CEP104: variants seen among roughly 807,000 people sequenced by gnomAD.
The protein encoded by CEP104 is centrosomal protein of 104 kDa.
Under a neutral mutation model 113.3 loss-of-function variants are expected in CEP104, and 84 were observed. The observed-to-expected ratio is 0.74, with a 90% CI of 0.62 to 0.89. The LOEUF is 0.89. CEP104 is among the 40% of genes least tolerant of loss of function. The pLI is 0.00. For missense variants in CEP104, 1,053 were observed against 1,156.6 expected, an observed-to-expected ratio of 0.91 and a Z score of 1.30; for synonymous variants, 378 against 421.7, an observed-to-expected ratio of 0.90 and a Z score of 1.27.
At chr1:3,854,635 ATTTTT>A (rs34466194) in intron 1 of CEP104, among the ~76,000 whole-genome samples, 10 of 126,118 alleles carry the variant, frequency 7.9e-5, no homozygotes, top group Admixed American at 3.2e-4. Flanking sequence ...TGCCTGGCTA[ATTTTT>A]TTTTTTTTTT....
At chr1:3,853,155 C>A (rs893192619) in intron 1 of CEP104, among the ~76,000 whole-genome samples, 3 of 152,048 alleles carry the variant, frequency 2.0e-5, no homozygotes, top group Admixed American at 2.0e-4. Context: ...TTATACAATA[C>A]CAAGGGGAAA....
At chr1:3,850,312 C>T (rs1354659956) in intron 2 of CEP104, among the ~76,000 whole-genome samples, 3 of 152,198 alleles carry the variant, frequency 2.0e-5, no homozygotes, top group African/African-American at 7.2e-5. Context: ...AGAAACCACA[C>T]AGCTAAAAAG....
At chr1:3,851,531 C>T (rs1363413388) in intron 2 of CEP104, among the ~76,000 whole-genome samples, 4 of 152,074 alleles carry the variant, frequency 2.6e-5, no homozygotes, top group Admixed American at 6.6e-5. Flanking sequence ...TTTTTATTCA[C>T]ATGACTGAGG....
rs540364727 is a variant in CEP104, at chr1:3,857,078, G to C, written c.-204C>G. ...CGCTTCCTCAGACGGAACTCGGGGG[G>C]CGCCCCTTCCGCCGCCCCAGGCCGC... is the stretch of plus-strand genomic sequence containing the variant. On this transcript the variant is annotated 5_prime_UTR_variant, in exon 1 of 22. Transcript: ENST00000378230. 1.3e-5 allele frequency: 2 copies of C among 152,270 alleles called. No homozygotes were observed. Among genetic ancestry groups the C allele is most frequent in the South Asian group, 4.1e-4 (2 of 4,822 alleles). The allele number at this position is 152,270 out of a possible 1,614,324, so 9.4% of individuals were successfully genotyped here.
chr1:3,856,037 C>T (rs1644719491), intron 1 of CEP104: 1 of 745,994 alleles, frequency 1.3e-6, no homozygotes, highest in Non-Finnish European at 1.6e-6. Flanking sequence ...ATAAATTAAA[C>T]GGAAACTCAG....
chr1:3,842,140 T>C lies in CEP104; in HGVS notation c.567-2364A>G, dbSNP rs865863396. 5.9e-5 allele frequency among the ~76,000 whole-genome samples: 9 copies of C among 152,332 alleles called. No homozygotes were observed. The Middle Eastern group carries it at 0.01, about 173-fold the overall frequency. On this transcript the variant is annotated intron_variant, in intron 6 of 21. Coordinates refer to ENST00000378230, the MANE Select transcript of CEP104 (RefSeq NM_014704.4). ...CTCGCTCTTGTCGCCCAGGCTGGAG[T>C]GCAGTGGTGCGATTTTGGCTCGCTG... is the stretch of plus-strand genomic sequence containing the variant.
intron 1 of CEP104, among the ~76,000 whole-genome samples, chr1:3,855,642 T>C (rs1462424178): frequency 6.6e-6 from 1 of 152,180 alleles, no homozygotes; most frequent in Non-Finnish European, 1.5e-5. Flanking sequence ...GTGGAGGCAA[T>C]GCTATTACCT....
chr1:3,830,275 T>C (rs951991626), intron 13 of CEP104, among the ~76,000 whole-genome samples: 9 of 152,114 alleles, frequency 5.9e-5, no homozygotes, highest in Admixed American at 3.9e-4. Context: ...GCCCACAGTT[T>C]CTCATCCTCC....
chr1:3,816,274 C>T lies in CEP104; in HGVS notation c.2662+6G>A, dbSNP rs779880393. ...ACTACACCTGCTCAGCGGCGCTGTC[C>T]CTCACCTGGCTGCAGTGCCGGGGCC... On this transcript the variant is annotated splice_donor_region_variant and intron_variant, in intron 21 of 21. Transcript: ENST00000378230. 12 of 1,550,724 alleles carry T rather than the reference C, an allele frequency of 7.7e-6. No homozygotes were observed. Among genetic ancestry groups the T allele is most frequent in the South Asian group, 3.6e-5 (3 of 83,998 alleles).
In CEP104 at chr1:3,826,399, C is replaced by G; in HGVS notation, c.2226G>C (p.Leu742=). Reference sequence around the variant, plus strand: ...CTAGATAGTGCTCATCCGGGATTCCCAGAGCTTCAGCAGGGGCTGCTTTCC... The same window carrying G: ...CTAGATAGTGCTCATCCGGGATTCCGAGAGCTTCAGCAGGGGCTGCTTTCC... ...QGGKAAPAEA[L]GIPDEHYLDN... Residue 742 remains leucine, a synonymous_variant, in exon 17 of 22, where the codon CTG becomes CTC. Transcript: ENST00000378230. The G allele has an allele frequency of 1.2e-6, 2 of 1,614,052 alleles. No individual in the cohort carries two copies. The highest frequency in any genetic ancestry group is 1.6e-4 in the Middle Eastern group (1 of 6,062).
chr1:3,835,301 G>C (rs532774854), intron 10 of CEP104, among the ~76,000 whole-genome samples: 5 of 152,136 alleles, frequency 3.3e-5, no homozygotes, highest in African/African-American at 1.2e-4. Flanking sequence ...GGAAATTTAA[G>C]ACTATGTTAA....
chr1:3,845,274 A>C lies in CEP104; in HGVS notation c.489+15T>G, dbSNP rs773758378. 8 of 1,563,246 alleles carry C rather than the reference A, an allele frequency of 5.1e-6. No homozygotes were observed. Among genetic ancestry groups the C allele is most frequent in the Non-Finnish European group, 7.0e-6 (8 of 1,143,776 alleles). On this transcript the variant is annotated intron_variant, in intron 5 of 21. Coordinates refer to ENST00000378230, the MANE Select transcript of CEP104 (RefSeq NM_014704.4). ...TAGATTTACTTCCTTAGGAATTAAA[A>C]CTTTCCAAACTTACAGTATTGCTTT...
intron 18 of CEP104, among the ~76,000 whole-genome samples, chr1:3,824,820 C>T (rs923223376): frequency 3.2e-4 from 48 of 149,202 alleles, no homozygotes; most frequent in Non-Finnish European, 5.8e-4. Context: ...GGCAGTGGCA[C>T]GGTGGGAAGG....
At chr1:3,856,646 G>C (rs1006501267) in intron 1 of CEP104, among the ~76,000 whole-genome samples, 1 of 152,218 alleles carries the variant, frequency 6.6e-6, no homozygotes, top group Non-Finnish European at 1.5e-5. Flanking sequence ...CGTCCCGGCC[G>C]GGGCAGGCGG....
At chr1:3,832,987 C>CTTTTT (rs70940330) in intron 12 of CEP104, among the ~76,000 whole-genome samples, 1 of 140,240 alleles carries the variant, frequency 7.1e-6, no homozygotes, top group African/African-American at 2.6e-5. Context: ...GGCCTGGATT[C>CTTTTT]TTTTTTTTTT....
At chr1:3,851,891 T>C (rs1000984075) in intron 2 of CEP104, among the ~76,000 whole-genome samples, 5 of 152,046 alleles carry the variant, frequency 3.3e-5, no homozygotes, top group African/African-American at 9.7e-5. Context: ...TGGTGTCATA[T>C]AAAAACAGTT....
chr1:3,837,105 T>G (rs529042163), intron 9 of CEP104, 187 bp downstream of exon 9: 2 of 578,350 alleles, frequency 3.5e-6, no homozygotes, highest in East Asian at 2.8e-5. Context: ...GCTCACAAGG[T>G]GTCATTAGGC....
In CEP104 at chr1:3,844,904, T is replaced by TA. The variant is rs1557687267; in HGVS notation, c.566+2dup. ...GTTCATTGATGGGGAGCAGGACTCT[T>TA]ACCTGGCGTACGTTCCTTCTAGAGC... is the stretch of plus-strand genomic sequence containing the variant. On this transcript the variant is annotated splice_region_variant and intron_variant, in intron 6 of 21. Coordinates refer to ENST00000378230, the MANE Select transcript of CEP104 (RefSeq NM_014704.4). 3.1e-6 allele frequency: 5 copies of TA among 1,611,930 alleles called. No homozygotes were observed. The highest frequency in any genetic ancestry group is 4.2e-6 in the Non-Finnish European group (5 of 1,178,008).
chr1:3,854,849 C>T (rs1272229986), intron 1 of CEP104, among the ~76,000 whole-genome samples: 2 of 146,076 alleles, frequency 1.4e-5, no homozygotes, highest in African/African-American at 5.1e-5. Context: ...TGTGCCCAGG[C>T]TGTTGGGTTC....
Sources: allele counts gnomAD v4.1 joint callset (sites outside exome capture counted in the v4.1 genomes callset), GRCh38; gene constraint gnomAD v4.1.1; transcripts MANE v1.5; gene names NCBI Gene and HGNC (gene_info 2026-07-23, HGNC 2026-07-21).